The following DSCAM variants were observed in gnomAD, a reference collection of about 807,000 sequenced individuals.
DSCAM encodes DS cell adhesion molecule, also known as cell adhesion molecule DSCAM.
DSCAM carries 47 observed loss-of-function variants against 217.7 expected under a neutral mutation model. That is an observed-to-expected ratio of 0.22 (90% confidence interval 0.17 to 0.28). The LOEUF is 0.28. Ranked by LOEUF, DSCAM falls within the 10% of genes least tolerant of loss-of-function variation. The pLI, the probability that DSCAM is intolerant of heterozygous loss-of-function variation, is 1.00. For synonymous variants in DSCAM, 1,056 were observed against 1,015.3 expected (o/e 1.04, Z -0.76); for missense variants, 2,080 against 2,618.3 (o/e 0.79, Z 4.49).
chr21:40,127,967 C>T (rs1455171001), intron 19 of DSCAM, among the ~76,000 whole-genome samples: 1 of 151,996 alleles, frequency 6.6e-6, no homozygotes, highest in African/African-American at 2.4e-5. Flanking sequence ...GTTTTTCCCA[C>T]CCTCTGCCTT....
intron 1 of DSCAM, among the ~76,000 whole-genome samples, chr21:40,723,188 CTG>C (rs554439376): frequency 1.9e-3 from 287 of 150,820 alleles, no homozygotes; most frequent in Admixed American, 3.4e-3. Flanking sequence ...GGTTAAGAAA[CTG>C]TGAGTAGAAA....
At position 40,353,481 on chromosome 21, in the gene DSCAM, G is replaced by A. The variant is rs1476813011; in HGVS notation, c.918C>T (p.Gly306=). The change falls in exon 5 of 33, where the codon GGC becomes GGT. Residue 306 remains glycine (G), a synonymous_variant. Coordinates refer to ENST00000400454, the MANE Select transcript of DSCAM (RefSeq NM_001389.5). The stretch of plus-strand genomic sequence containing the variant: ...CCAACTTACGTTTCACGTACAGGCG[G>A]CCTATCACCTTAGCAGTTCCGTATC... ...SNRYGTAKVI[G]RLYVKQPLKA... is the part of the protein sequence containing the mutation. 6.2e-7 allele frequency: 1 copy of A among 1,606,956 alleles called. No individual in the cohort carries two copies. The highest frequency in any genetic ancestry group is 8.5e-7 in the Non-Finnish European group (1 of 1,178,064).
intron 23 of DSCAM, among the ~76,000 whole-genome samples, 189 bp downstream of exon 23, chr21:40,085,413 A>T (rs2089518813): frequency 1.3e-5 from 2 of 150,690 alleles, no homozygotes; most frequent in South Asian, 4.2e-4. Flanking sequence ...GAGGTTGTGA[A>T]TGCTTTGTAT....
chr21:40,148,223 T>C (rs10483063), intron 16 of DSCAM, among the ~76,000 whole-genome samples: 6,857 of 152,228 alleles, frequency 0.045, 207 homozygotes, highest in African/African-American at 0.079. Context: ...ATATGATCTA[T>C]AGTTTTCATG....
At chr21:40,483,847 C>T (rs2076003109) in intron 3 of DSCAM, among the ~76,000 whole-genome samples, 1 of 152,270 alleles carries the variant, frequency 6.6e-6, no homozygotes, top group South Asian at 2.1e-4. Context: ...GCTGTGAATG[C>T]TTTCTATGAC....
chr21:40,717,738 A>G (rs1014435815), intron 1 of DSCAM, among the ~76,000 whole-genome samples: 2 of 152,232 alleles, frequency 1.3e-5, no homozygotes, highest in Non-Finnish European at 2.9e-5. Context: ...AAGGCACCTT[A>G]TCTGTGAATA....
intron 1 of DSCAM, among the ~76,000 whole-genome samples, chr21:40,786,053 A>C (rs2091591036): frequency 6.6e-6 from 1 of 152,160 alleles, no homozygotes; most frequent in African/African-American, 2.4e-5. Flanking sequence ...CCTGACCAAC[A>C]TGGAGAAACC....
intron 3 of DSCAM, among the ~76,000 whole-genome samples, chr21:40,382,546 C>A (rs557099672): frequency 6.6e-6 from 1 of 152,106 alleles, no homozygotes; most frequent in Admixed American, 6.6e-5. Context: ...CCCAATGACA[C>A]GTGATGATGT....
intron 11 of DSCAM, among the ~76,000 whole-genome samples, chr21:40,233,938 T>C (rs905499241): frequency 2.6e-5 from 4 of 152,168 alleles, no homozygotes; most frequent in Non-Finnish European, 5.9e-5. Context: ...CACTCCTTCC[T>C]GCCTCGCTTT....
At chr21:40,750,187 C>T (rs2091214424) in intron 1 of DSCAM, among the ~76,000 whole-genome samples, 1 of 152,112 alleles carries the variant, frequency 6.6e-6, no homozygotes, top group African/African-American at 2.4e-5. Context: ...CTCAGCCTCC[C>T]AATGTGCTGG....
rs751076226 is a variant in DSCAM, at chr21:40,011,057, T to G, written c.*1977A>C. 2 of 152,206 alleles carry G rather than the reference T, an allele frequency of 1.3e-5. No homozygotes were observed. The highest frequency in any genetic ancestry group is 2.9e-5 in the Non-Finnish European group (2 of 68,052). The allele number at this position is 152,206 out of a possible 1,614,324, so 9.4% of individuals were successfully genotyped here. A position where few individuals can be genotyped will look rare whatever the true frequency, so the allele number is the denominator to read the frequency against. ...AGAGAAAAATGTTAAAAAGGTAAAC[T>G]TCTATGTTTGGGGGATATAGAAGTT... On this transcript the variant is annotated 3_prime_UTR_variant, in exon 33 of 33. Transcript: ENST00000400454.
chr21:40,676,395 C>G (rs1463537236), intron 3 of DSCAM, among the ~76,000 whole-genome samples: 1 of 152,148 alleles, frequency 6.6e-6, no homozygotes, highest in Non-Finnish European at 1.5e-5. Flanking sequence ...GGACTTCAGG[C>G]TTTCATGGAA....
rs572364591 is a variant in DSCAM, at chr21:40,512,207, C to T, written c.509-142962G>A. Among the ~76,000 whole-genome samples, 3 of 152,148 alleles carry T rather than the reference C, an allele frequency of 2.0e-5. No individual in the cohort carries two copies. In the East Asian group the frequency reaches 5.8e-4, roughly 29 times the overall value. ...GCGATTACACATAAGAAGAAATTCC[C>T]TTGCCCATCTTATCCTGAGTGAACC... On this transcript the variant is annotated intron_variant, in intron 3 of 32. Coordinates refer to ENST00000400454, the MANE Select transcript of DSCAM (RefSeq NM_001389.5).
At chr21:40,784,096 CTATT>C (rs1214898825) in intron 1 of DSCAM, among the ~76,000 whole-genome samples, 1 of 149,866 alleles carries the variant, frequency 6.7e-6, no homozygotes, top group Admixed American at 6.6e-5. Context: ...ATATTTATAA[CTATT>C]TATTATTCAT....
chr21:40,665,266 T>G (rs1466212977), intron 3 of DSCAM, among the ~76,000 whole-genome samples: 1 of 152,180 alleles, frequency 6.6e-6, no homozygotes, highest in African/African-American at 2.4e-5. Flanking sequence ...GCATCCTTCC[T>G]GAACTACAAC....
intron 3 of DSCAM, among the ~76,000 whole-genome samples, chr21:40,666,509 C>G (rs111733384): frequency 1.8e-4 from 28 of 152,346 alleles, no homozygotes; most frequent in African/African-American, 6.3e-4. Flanking sequence ...TGAGCCCACT[C>G]TGTTCACCAA....
intron 14 of DSCAM, among the ~76,000 whole-genome samples, chr21:40,181,267 T>G (rs2090797443): frequency 6.6e-6 from 1 of 152,184 alleles, no homozygotes; most frequent in Non-Finnish European, 1.5e-5. Flanking sequence ...CAGGTCAATG[T>G]GCTGGGCATT....
intron 3 of DSCAM, among the ~76,000 whole-genome samples, chr21:40,634,818 C>T (rs555145851): frequency 6.6e-6 from 1 of 152,308 alleles, no homozygotes; most frequent in South Asian, 2.1e-4. Flanking sequence ...CCCACGTCCA[C>T]CTCTCAGAAA....
At chr21:40,608,302 T>C (rs190419393) in intron 3 of DSCAM, among the ~76,000 whole-genome samples, 1 of 152,344 alleles carries the variant, frequency 6.6e-6, no homozygotes, top group East Asian at 1.9e-4. Context: ...TTTGAAAATA[T>C]ATTTGAAACT....
Sources: gnomAD v4.1 joint callset for allele counts (sites outside exome capture counted in the v4.1 genomes callset) on GRCh38, gnomAD v4.1.1 for gene constraint, MANE v1.5 for transcripts, NCBI Gene and HGNC (gene_info 2026-07-23, HGNC 2026-07-21) for gene names.